Variants in GNB1 observed in about 807,000 individuals in gnomAD.
GNB1 encodes G protein subunit beta 1.
GNB1 carries 2 observed loss-of-function variants against 42.9 expected under a neutral mutation model. The ratio of observed to expected loss-of-function variants is 0.05; its 90% CI spans 0.02 to 0.15. The LOEUF (loss-of-function observed/expected upper bound fraction) is 0.15. Among genes scored for constraint, GNB1 ranks in the 10% least tolerant of loss-of-function variants. The pLI is 1.00. For missense variants in GNB1, 193 were observed against 462.2 expected, an observed-to-expected ratio of 0.42 and a Z score of 5.34; for synonymous variants, 183 against 174.7, an observed-to-expected ratio of 1.05 and a Z score of -0.38.
chr1:1,813,722 C>T (rs2100829157), intron 5 of GNB1, among the ~76,000 whole-genome samples: 1 of 152,310 alleles, frequency 6.6e-6, no homozygotes, highest in African/African-American at 2.4e-5. Context: ...AACTCCTGGG[C>T]TCAAGCCATT....
At chr1:1,880,962 A>AGT (rs1649812152) in intron 1 of GNB1, among the ~76,000 whole-genome samples, 8 of 152,182 alleles carry the variant, frequency 5.3e-5, no homozygotes, top group Admixed American at 5.2e-4. Flanking sequence ...CAATGAGATC[A>AGT]GAGCACACCC....
At position 1,787,350 on chromosome 1, in the gene GNB1, A is replaced by T; in HGVS notation, c.1004T>A (p.Phe335Tyr). 6 of 1,609,930 alleles carry T rather than the reference A, an allele frequency of 3.7e-6. No individual in the cohort carries two copies. The highest frequency in any genetic ancestry group is 5.1e-6 in the Non-Finnish European group (6 of 1,176,278). The change falls in exon 11 of 12, where the codon TTC becomes TAC. Residue 335 changes from phenylalanine to tyrosine, a missense_variant. This residue lies in a region of GNB1 where 150 missense variants were observed against 410.8 expected (regional missense o/e 0.37). Transcript: ENST00000378609. This position sits in a 1 kb window ranked among gnomAD's most constrained non-coding sequence, Gnocchi z 4.4. Reference sequence around the variant, plus strand: ...CTGGCGTTAGTTCCAGATCTTGAGGAAGCTATCCCAGGACCCTGTCGCCAC... The same window carrying T: ...CTGGCGTTAGTTCCAGATCTTGAGGTAGCTATCCCAGGACCCTGTCGCCAC... ...MAVATGSWDS[F>Y]LKIWN is the part of the protein sequence containing the mutation.
intron 7 of GNB1, among the ~76,000 whole-genome samples, chr1:1,795,234 C>T (rs114620189): frequency 1.3e-5 from 2 of 152,092 alleles, no homozygotes; most frequent in African/African-American, 2.4e-5. Flanking sequence ...GTCATGCTCC[C>T]GGGTCTCCAC....
chr1:1,833,460 G>A (rs1647103583), intron 2 of GNB1, among the ~76,000 whole-genome samples: 1 of 152,100 alleles, frequency 6.6e-6, no homozygotes, highest in Non-Finnish European at 1.5e-5. Flanking sequence ...GGGAGCAGGG[G>A]ACCACCGCAA....
chr1:1,855,751 C>G (rs1175278546), intron 1 of GNB1, among the ~76,000 whole-genome samples: 1 of 152,130 alleles, frequency 6.6e-6, no homozygotes, highest in Non-Finnish European at 1.5e-5. Flanking sequence ...AACACTAAGT[C>G]ACTGTTTTCC....
In GNB1 at chr1:1,790,008, AG is replaced by A. The variant is rs1646460812; in HGVS notation, c.699+386del. On this transcript the variant is annotated intron_variant, in intron 9 of 11. Coordinates refer to ENST00000378609, the MANE Select transcript of GNB1 (RefSeq NM_002074.5). The surrounding 1 kb of genome is among the most constrained non-coding windows in gnomAD (Gnocchi z 5.4). ...ATACATCCTTCTAAGTCTCCTCACA[AG>A]GCCAGGGGCTGGAAACACTGCCTAG... Among the ~76,000 whole-genome samples the A allele has an allele frequency of 6.6e-6, 1 of 152,176 alleles. No homozygotes were observed. The highest frequency in any genetic ancestry group is 6.5e-5 in the Admixed American group (1 of 15,276).
At chr1:1,804,379 C>A in intron 7 of GNB1, 40 bp downstream of exon 7, 1 of 1,481,558 alleles carries the variant, frequency 6.7e-7, no homozygotes, top group Non-Finnish European at 9.4e-7. Context: ...CCCAGGTAAA[C>A]AGCTTGTGTC....
At chr1:1,814,914 C>T (rs1487858231) in intron 5 of GNB1, among the ~76,000 whole-genome samples, 3 of 151,382 alleles carry the variant, frequency 2.0e-5, no homozygotes, top group Non-Finnish European at 2.9e-5. Flanking sequence ...AGATCCAGAC[C>T]ATCCTGGCTA....
chr1:1,884,553 G>A (rs1047415788), intron 1 of GNB1, among the ~76,000 whole-genome samples: 7 of 152,078 alleles, frequency 4.6e-5, no homozygotes, highest in African/African-American at 1.7e-4. Flanking sequence ...CTCGGCAGAA[G>A]TTGAGTGTCT....
At chr1:1,812,258 A>G (rs1646790457) in intron 5 of GNB1, among the ~76,000 whole-genome samples, 1 of 152,208 alleles carries the variant, frequency 6.6e-6, no homozygotes, top group South Asian at 2.1e-4. Flanking sequence ...ATGACAAGTT[A>G]ACAGGTGCAG....
intron 5 of GNB1, among the ~76,000 whole-genome samples, chr1:1,812,393 TACACACACATAC>T (rs199638829): frequency 0.013 from 1,221 of 93,524 alleles, 18 homozygotes; most frequent in African/African-American, 0.037. Flanking sequence ...TGTATATATA[TACACACACATAC>T]ATACACACAC....
chr1:1,861,181 G>C (rs1338228764), intron 1 of GNB1, among the ~76,000 whole-genome samples: 1 of 151,032 alleles, frequency 6.6e-6, no homozygotes, highest in Non-Finnish European at 1.5e-5. Context: ...GCACAGCTGC[G>C]CACAGTGGCT....
chr1:1,843,395 T>A (rs185955484), intron 1 of GNB1, among the ~76,000 whole-genome samples: 27 of 151,994 alleles, frequency 1.8e-4, no homozygotes, highest in African/African-American at 4.8e-4. Flanking sequence ...AATTAAAAAA[T>A]ATATATATAT....
intron 3 of GNB1, chr1:1,818,123 T>C (rs1163000748): frequency 5.5e-6 from 2 of 363,842 alleles, no homozygotes; most frequent in East Asian, 1.0e-4. Context: ...ACAATATTCC[T>C]GGGGACCCAC....
At chr1:1,828,283 T>C (rs1032863271) in intron 2 of GNB1, among the ~76,000 whole-genome samples, 8 of 152,142 alleles carry the variant, frequency 5.3e-5, no homozygotes, top group African/African-American at 1.9e-4. Context: ...ATCTTGCCAT[T>C]GCACTCCAGC....
intron 1 of GNB1, among the ~76,000 whole-genome samples, chr1:1,869,303 T>C (rs1205187530): frequency 6.6e-6 from 1 of 152,030 alleles, no homozygotes; most frequent in Non-Finnish European, 1.5e-5. Flanking sequence ...TGACCATTCA[T>C]TATCTCAGAC....
intron 1 of GNB1, among the ~76,000 whole-genome samples, chr1:1,866,681 G>A (rs190320953): frequency 2.6e-5 from 4 of 152,078 alleles, no homozygotes; most frequent in African/African-American, 9.6e-5. Context: ...GTGGCCGGGC[G>A]CGGTGGCTCA....
At chr1:1,803,112 C>T (rs968390467) in intron 7 of GNB1, among the ~76,000 whole-genome samples, 13 of 152,088 alleles carry the variant, frequency 8.5e-5, no homozygotes, top group African/African-American at 1.7e-4. Flanking sequence ...GTGAAGTGGG[C>T]GGAGTGTTAT....
intron 1 of GNB1, among the ~76,000 whole-genome samples, chr1:1,848,742 G>C (rs1329184127): frequency 6.6e-6 from 1 of 152,214 alleles, no homozygotes; most frequent in Non-Finnish European, 1.5e-5. Context: ...TGGGAGTCAA[G>C]TGATAGAAGA....
Sources: gnomAD v4.1 joint callset for allele counts (sites outside exome capture counted in the v4.1 genomes callset) on GRCh38, gnomAD v4.1.1 for gene constraint, gnomAD v4.1.1 regional missense constraint, Gnocchi (gnomAD v3.1) non-coding constraint, MANE v1.5 for transcripts, NCBI Gene and HGNC (gene_info 2026-07-23, HGNC 2026-07-21) for gene names.